The following JADE1 variants were observed in gnomAD, a reference collection of about 807,000 sequenced individuals.
The protein encoded by JADE1 is jade family PHD finger 1.
A neutral mutation model predicts 81.8 loss-of-function variants in JADE1; 14 were observed. The observed-to-expected ratio is 0.17, with a 90% CI of 0.11 to 0.27. The LOEUF (loss-of-function observed/expected upper bound fraction) is 0.27, where lower values mean the gene tolerates loss of function less well. JADE1 is among the 10% of genes least tolerant of loss of function. The pLI is 1.00. For synonymous variants in JADE1, 353 were observed against 391.9 expected, an observed-to-expected ratio of 0.90 and a Z score of 1.17; for missense variants, 690 against 1,047.9, an observed-to-expected ratio of 0.66 and a Z score of 4.71.
At chr4:128,810,688 CACATGTCCAAAAT>C (rs1372774089) in intron 1 of JADE1, among the ~76,000 whole-genome samples, 2 of 126,170 alleles carry the variant, frequency 1.6e-5, no homozygotes, top group Non-Finnish European at 3.1e-5. Flanking sequence ...ACCGCGTCAC[CACATGTCCAAAAT>C]ATTCATTGCA....
chr4:128,855,028 C>G (rs1730672238), intron 6 of JADE1, among the ~76,000 whole-genome samples: 1 of 151,994 alleles, frequency 6.6e-6, no homozygotes, highest in African/African-American at 2.4e-5. Context: ...TTTTTCTGCC[C>G]TGTTTTGTTC....
intron 8 of JADE1, among the ~76,000 whole-genome samples, chr4:128,858,158 G>C (rs1193431343): frequency 6.6e-6 from 1 of 152,174 alleles, no homozygotes; most frequent in African/African-American, 2.4e-5. Flanking sequence ...TTGCCTGCCT[G>C]CTTTTGCATA....
intron 1 of JADE1, among the ~76,000 whole-genome samples, chr4:128,829,739 C>T (rs1369134077): frequency 1.3e-5 from 2 of 152,182 alleles, no homozygotes; most frequent in Non-Finnish European, 2.9e-5. Context: ...ACAATTTTAA[C>T]AGAGGGTGAT....
intron 2 of JADE1, among the ~76,000 whole-genome samples, chr4:128,837,137 G>C (rs1206660046): frequency 6.6e-6 from 1 of 152,194 alleles, no homozygotes; most frequent in Non-Finnish European, 1.5e-5. Flanking sequence ...CTGGAGCCAG[G>C]CTCCATGTGG....
At chr4:128,811,514 C>T (rs533395698) in intron 1 of JADE1, 1 of 151,840 alleles carries the variant, frequency 6.6e-6, no homozygotes, top group African/African-American at 2.4e-5. Context: ...TTTTGTAGCC[C>T]GCCTCTGGTG....
chr4:128,832,218 TATTAA>T (rs1728617386), intron 2 of JADE1, among the ~76,000 whole-genome samples: 1 of 152,250 alleles, frequency 6.6e-6, no homozygotes, highest in African/African-American at 2.4e-5. Context: ...ATGTGAAAAT[TATTAA>T]GTACAGGTTC....
intron 1 of JADE1, among the ~76,000 whole-genome samples, chr4:128,830,336 C>A (rs947738555): frequency 6.7e-6 from 1 of 150,366 alleles, no homozygotes; most frequent in Admixed American, 6.6e-5. Context: ...TGAGTTCAAG[C>A]GATTCTCCTG....
chr4:128,860,528 G>A (rs947786927), intron 8 of JADE1, among the ~76,000 whole-genome samples: 2 of 152,216 alleles, frequency 1.3e-5, no homozygotes, highest in African/African-American at 4.8e-5. Context: ...GCTTGAAGCC[G>A]CTGGATTCTA....
intron 2 of JADE1, among the ~76,000 whole-genome samples, chr4:128,842,586 C>T (rs991981818): frequency 6.6e-5 from 10 of 152,282 alleles, no homozygotes; most frequent in Non-Finnish European, 1.3e-4. Flanking sequence ...AGGCGTGAGC[C>T]GCCACCCCTG....
intron 6 of JADE1, among the ~76,000 whole-genome samples, chr4:128,854,790 T>G (rs1243761158): frequency 6.6e-6 from 1 of 152,262 alleles, no homozygotes; most frequent in African/African-American, 2.4e-5. Context: ...ATTTATTCAG[T>G]TATTTAACAT....
chr4:128,810,582 G>C (rs1352173999), intron 1 of JADE1, among the ~76,000 whole-genome samples: 1 of 151,388 alleles, frequency 6.6e-6, no homozygotes, highest in Non-Finnish European at 1.5e-5. Context: ...TGAATCCAGA[G>C]TGTGTGAGAC....
chr4:128,862,961 G>C, intron 9 of JADE1: 1 of 986,186 alleles, frequency 1.0e-6, no homozygotes, highest in South Asian at 4.7e-5. Context: ...CTGTGTGCGG[G>C]TATGGGTGGG....
At chr4:128,826,533 T>G (rs755832002) in intron 1 of JADE1, among the ~76,000 whole-genome samples, 46 of 136,610 alleles carry the variant, frequency 3.4e-4, no homozygotes, top group East Asian at 1.4e-3. Flanking sequence ...AATTTTTGTG[T>G]TTTTTTTTTT....
chr4:128,872,991 T>C lies in JADE1; in HGVS notation c.*729T>C. 1 of 449,828 alleles carries C rather than the reference T, an allele frequency of 2.2e-6. No individual in the cohort carries two copies. The allele number at this position is 449,828 out of a possible 1,614,324, so 27.9% of individuals were successfully genotyped here. On this transcript the variant is annotated 3_prime_UTR_variant, in exon 11 of 11. Transcript: ENST00000226319. ...TGGAGAGTGAGACTGTTAGGAAAGT[T>C]GTATCTATGAATAAGGGCAGTTGAA...
intron 10 of JADE1, among the ~76,000 whole-genome samples, chr4:128,869,251 TTTAA>T (rs1288207646): frequency 1.3e-5 from 2 of 152,218 alleles, no homozygotes; most frequent in Non-Finnish European, 2.9e-5. Flanking sequence ...GAACTTGCAG[TTTAA>T]TTGTTAAGAT....
At chr4:128,866,820 T>A (rs1219763700) in intron 9 of JADE1, among the ~76,000 whole-genome samples, 2 of 152,214 alleles carry the variant, frequency 1.3e-5, no homozygotes, top group Non-Finnish European at 2.9e-5. Flanking sequence ...GGAGGTCTTG[T>A]CCACATATTC....
In JADE1 at chr4:128,852,226, T is replaced by C; in HGVS notation, c.654T>C (p.Asn218=). The change falls in exon 6 of 11, where the codon AAT becomes AAC. Residue 218 remains asparagine (N), a synonymous_variant. Transcript: ENST00000226319. ...VCQSPDGEDG[N]EMVFCDKCNI... Reference sequence around the variant, plus strand: ...AGTCTCCTGATGGTGAGGACGGCAATGAGATGGTGTTCTGTGACAAATGCA... The same window carrying C: ...AGTCTCCTGATGGTGAGGACGGCAACGAGATGGTGTTCTGTGACAAATGCA... 3 of 1,611,876 alleles carry C rather than the reference T, an allele frequency of 1.9e-6. No individual in the cohort carries two copies. Among genetic ancestry groups the C allele is most frequent in the Non-Finnish European group, 2.5e-6 (3 of 1,178,348 alleles).
chr4:128,862,137 A>T lies in JADE1; in HGVS notation c.1415A>T (p.Asp472Val). 6.2e-7 allele frequency: 1 copy of T among 1,614,224 alleles called. No homozygotes were observed. The highest frequency in any genetic ancestry group is 8.5e-7 in the Non-Finnish European group (1 of 1,180,048). Reference sequence around the variant, plus strand: ...AAGCCCCTGATCACCCCAAAGAAAGATGAAGAGGACAATCTAGCCAAGCGG... The same window carrying T: ...AAGCCCCTGATCACCCCAAAGAAAGTTGAAGAGGACAATCTAGCCAAGCGG... ...FNKPLITPKK[D>V]EEDNLAKREQ... The change falls in exon 9 of 11, where the codon GAT becomes GTT. Residue 472 changes from aspartate (D) to valine (V), a missense_variant. Asp to Val is a radical substitution (Grantham distance 152). Around this residue, in one of 8 missense-constraint regions of JADE1, gnomAD observed 63 missense variants for 138.4 expected, o/e 0.46. Coordinates refer to ENST00000226319, the MANE Select transcript of JADE1 (RefSeq NM_199320.4).
chr4:128,821,976 G>A (rs1298246551), intron 1 of JADE1, among the ~76,000 whole-genome samples: 2 of 152,192 alleles, frequency 1.3e-5, no homozygotes, highest in African/African-American at 4.8e-5. Flanking sequence ...CAAGCAAATA[G>A]GGGATAATAG....
Sources: allele counts gnomAD v4.1 joint callset (sites outside exome capture counted in the v4.1 genomes callset), GRCh38; gene constraint gnomAD v4.1.1; regional missense constraint gnomAD v4.1.1; transcripts MANE v1.5; gene names NCBI Gene and HGNC (gene_info 2026-07-23, HGNC 2026-07-21).